PDZRN3: variants seen among roughly 807,000 people sequenced by gnomAD.
The protein encoded by PDZRN3 is E3 ubiquitin-protein ligase PDZRN3.
A neutral mutation model predicts 85.7 loss-of-function variants in PDZRN3; 38 were observed. The observed-to-expected ratio is 0.44, with a 90% CI of 0.34 to 0.58. PDZRN3 has a LOEUF of 0.58. PDZRN3 is among the 20% of genes least tolerant of loss of function. The probability of loss-of-function intolerance (pLI) is 0.01; values close to 1 mark genes in which losing one functional copy is unlikely to be tolerated. For missense variants in PDZRN3, 1,629 were observed against 1,506.4 expected (o/e 1.08, Z -1.35); for synonymous variants, 759 against 638.0 (o/e 1.19, Z -2.86).
chr3:73,413,488 T>G (rs948810007), intron 3 of PDZRN3, among the ~76,000 whole-genome samples: 3 of 152,158 alleles, frequency 2.0e-5, no homozygotes, highest in African/African-American at 7.2e-5. Flanking sequence ...AGAATAAGGA[T>G]GTCACTGGTG....
chr3:73,429,605 G>T (rs1702388867), intron 3 of PDZRN3, among the ~76,000 whole-genome samples: 1 of 152,124 alleles, frequency 6.6e-6, no homozygotes, highest in Admixed American at 6.5e-5. Context: ...TATCCAACTG[G>T]CTATGAGATT....
chr3:73,408,216 G>C (rs1238931972), intron 3 of PDZRN3: 5 of 703,086 alleles, frequency 7.1e-6, no homozygotes, highest in Non-Finnish European at 1.3e-5. Context: ...AATCCTGGCT[G>C]TGGGCTTTGG....
At chr3:73,619,102 G>A (rs1416799598) in intron 1 of PDZRN3, among the ~76,000 whole-genome samples, 3 of 152,042 alleles carry the variant, frequency 2.0e-5, no homozygotes, top group South Asian at 2.1e-4. Flanking sequence ...TGGATCTAGT[G>A]GAACAAAAAT....
chr3:73,558,299 T>C (rs530543183), intron 3 of PDZRN3, among the ~76,000 whole-genome samples: 1 of 151,678 alleles, frequency 6.6e-6, no homozygotes, highest in South Asian at 2.1e-4. Context: ...TAAATATGAA[T>C]CTTAAATGTC....
chr3:73,421,671 C>CATT (rs1702205692), intron 3 of PDZRN3, among the ~76,000 whole-genome samples: 1 of 152,082 alleles, frequency 6.6e-6, no homozygotes. Context: ...TTTTTTGAGA[C>CATT]AGAGTCTTGC....
intron 3 of PDZRN3, among the ~76,000 whole-genome samples, chr3:73,453,426 A>C (rs1176146096): frequency 4.9e-5 from 4 of 80,874 alleles, no homozygotes; most frequent in Admixed American, 1.4e-4. Context: ...AAAAAAAACA[A>C]AAAAAAAAAA....
At chr3:73,419,084 T>C (rs1247031336) in intron 3 of PDZRN3, among the ~76,000 whole-genome samples, 1 of 152,114 alleles carries the variant, frequency 6.6e-6, no homozygotes, top group Non-Finnish European at 1.5e-5. Context: ...ACCTGCAGCA[T>C]TTTGTAAGAT....
At chr3:73,497,941 T>C (rs1202771113) in intron 3 of PDZRN3, among the ~76,000 whole-genome samples, 6 of 152,046 alleles carry the variant, frequency 3.9e-5, no homozygotes, top group African/African-American at 9.7e-5. Flanking sequence ...ATGCTGATAA[T>C]TGAAGAGAGA....
Position 73,543,939 on chromosome 3 carries a change from G to A in PDZRN3, c.918+58415C>T, listed in dbSNP as rs555947461. Among the ~76,000 whole-genome samples, 206 of 152,304 alleles carry A rather than the reference G, an allele frequency of 1.4e-3. 2 individuals carry two copies. Among genetic ancestry groups the A allele is most frequent in the Admixed American group, 2.3e-3 (35 of 15,294 alleles). On this transcript the variant is annotated intron_variant, in intron 3 of 9. Coordinates refer to ENST00000263666, the MANE Select transcript of PDZRN3 (RefSeq NM_015009.3). Reference sequence around the variant, plus strand: ...ATGTATAAAGAACTAATTTAAGGCCGGGTGTGGTGGTTGACGCTTCTATTC... The same window carrying A: ...ATGTATAAAGAACTAATTTAAGGCCAGGTGTGGTGGTTGACGCTTCTATTC...
intron 3 of PDZRN3, among the ~76,000 whole-genome samples, chr3:73,409,249 A>C (rs1351507897): frequency 6.6e-6 from 1 of 152,212 alleles, no homozygotes; most frequent in Non-Finnish European, 1.5e-5. Context: ...AGGTCTCCTG[A>C]GACAAGACAG....
intron 7 of PDZRN3, 125 bp downstream of exon 7, chr3:73,389,691 C>T (rs761546056): frequency 6.9e-6 from 5 of 722,070 alleles, no homozygotes; most frequent in Non-Finnish European, 1.0e-5. Context: ...CCTCACTACA[C>T]ATCTGCGTTT....
At position 73,384,852 on chromosome 3, in the gene PDZRN3, C is replaced by A. The variant is rs1453478364; in HGVS notation, c.1714G>T (p.Gly572Trp). The change falls in exon 10 of 10, where the codon GGG becomes TGG. Residue 572 changes from glycine (G) to tryptophan (W), a missense_variant. Coordinates refer to ENST00000263666, the MANE Select transcript of PDZRN3 (RefSeq NM_015009.3). ...TTACGGGTGCTCTCGTCGGTCCGCC[C>A]CACACCGCTGTCCTTCTCGTGCTGG... is the stretch of plus-strand genomic sequence containing the variant. ...SNQHEKDSGV[G>W]RTDESTRNDE... 6.2e-7 allele frequency: 1 copy of A among 1,614,164 alleles called. No individual in the cohort carries two copies. Among genetic ancestry groups the A allele is most frequent in the Non-Finnish European group, 8.5e-7 (1 of 1,180,028 alleles).
At chr3:73,543,471 T>C (rs1388076129) in intron 3 of PDZRN3, among the ~76,000 whole-genome samples, 1 of 152,212 alleles carries the variant, frequency 6.6e-6, no homozygotes, top group African/African-American at 2.4e-5. Flanking sequence ...GACTTTAAAT[T>C]TGTTCTTTCA....
intron 3 of PDZRN3, among the ~76,000 whole-genome samples, chr3:73,589,513 G>A (rs1702324387): frequency 6.6e-6 from 1 of 152,096 alleles, no homozygotes; most frequent in African/African-American, 2.4e-5. Context: ...GTAACTCCCT[G>A]TATGTTCTGT....
chr3:73,551,124 G>A lies in PDZRN3; in HGVS notation c.918+51230C>T, dbSNP rs551943462. Among the ~76,000 whole-genome samples, 98 of 152,282 alleles carry A rather than the reference G, an allele frequency of 6.4e-4. 1 individual carries two copies. The highest frequency in any genetic ancestry group is 2.2e-3 in the African/African-American group (93 of 41,556). On this transcript the variant is annotated intron_variant, in intron 3 of 9. Transcript: ENST00000263666. The stretch of plus-strand genomic sequence containing the variant: ...AGCTAAACATCCCTGTATGTGCAGG[G>A]CCAAAGGTGTAATATTGCCAATTTT...
At chr3:73,527,266 T>TA (rs1704545995) in intron 3 of PDZRN3, among the ~76,000 whole-genome samples, 2 of 152,150 alleles carry the variant, frequency 1.3e-5, no homozygotes, top group Admixed American at 1.3e-4. Flanking sequence ...AGGTGCTCAG[T>TA]AAAAGGCAGC....
intron 2 of PDZRN3, among the ~76,000 whole-genome samples, chr3:73,605,193 T>C (rs2106900386): frequency 6.9e-6 from 1 of 145,462 alleles, no homozygotes; most frequent in Non-Finnish European, 1.5e-5. Context: ...GGTGACAGAG[T>C]GAGACCCCCG....
intron 8 of PDZRN3, among the ~76,000 whole-genome samples, chr3:73,387,368 G>A (rs973442120): frequency 1.3e-5 from 2 of 152,150 alleles, no homozygotes; most frequent in African/African-American, 4.8e-5. Flanking sequence ...TTACAACACA[G>A]AGGTTTCTGA....
chr3:73,403,371 C>T (rs1000869358), intron 4 of PDZRN3, among the ~76,000 whole-genome samples: 6 of 152,170 alleles, frequency 3.9e-5, no homozygotes, highest in Admixed American at 2.6e-4. Flanking sequence ...TAACGGTGAT[C>T]GCTGGTACCA....
Sources: gnomAD v4.1 joint callset for allele counts (sites outside exome capture counted in the v4.1 genomes callset) on GRCh38, gnomAD v4.1.1 for gene constraint, MANE v1.5 for transcripts, NCBI Gene and HGNC (gene_info 2026-07-23, HGNC 2026-07-21) for gene names.